Variants in FAM120A observed in about 807,000 individuals in gnomAD.
FAM120A encodes family with sequence similarity 120 member A, also known as constitutive coactivator of PPAR-gamma-like protein 1.
FAM120A carries 15 observed loss-of-function variants against 109.7 expected under a neutral mutation model. The ratio of observed to expected loss-of-function variants is 0.14; its 90% CI spans 0.09 to 0.21. The LOEUF is 0.21. FAM120A is among the 10% of genes least tolerant of loss of function. The probability of loss-of-function intolerance (pLI) is 1.00; values close to 1 mark genes in which losing one functional copy is unlikely to be tolerated. For missense variants in FAM120A, 899 were observed against 1,439.3 expected (o/e 0.62, Z 6.07); for synonymous variants, 493 against 572.8 (o/e 0.86, Z 1.99).
intron 5 of FAM120A, among the ~76,000 whole-genome samples, chr9:93,508,307 A>C (rs1421935172): frequency 6.6e-6 from 1 of 152,226 alleles, no homozygotes; most frequent in African/African-American, 2.4e-5. Context: ...TCCTGGTCAC[A>C]GCAACACAGT....
chr9:93,452,478 G>C lies in FAM120A; in HGVS notation c.474+89G>C, dbSNP rs1186466144. On this transcript the variant is annotated intron_variant, in intron 1 of 17. Transcript: ENST00000277165. This position sits in a 1 kb window ranked among gnomAD's most constrained non-coding sequence, Gnocchi z 7.0. Reference sequence around the variant, plus strand: ...AGGGCGCAGAATGTCGCCCGGCCGTGGCGGCGCTGGGGGCAGCGAGTTCCC... The same window carrying C: ...AGGGCGCAGAATGTCGCCCGGCCGTCGCGGCGCTGGGGGCAGCGAGTTCCC... 6.5e-7 allele frequency: 1 copy of C among 1,544,056 alleles called. No individual in the cohort carries two copies. Among genetic ancestry groups the C allele is most frequent in the Non-Finnish European group, 8.7e-7 (1 of 1,148,926 alleles).
intron 1 of FAM120A, chr9:93,453,134 A>G (rs542314195): frequency 7.0e-6 from 7 of 1,004,310 alleles, no homozygotes; most frequent in Non-Finnish European, 7.1e-6. Context: ...TGTAGATCCC[A>G]TGCGAAAGGA....
chr9:93,504,238 G>A (rs1859934787), intron 5 of FAM120A, among the ~76,000 whole-genome samples: 1 of 152,146 alleles, frequency 6.6e-6, no homozygotes, highest in Admixed American at 6.5e-5. Context: ...ACAGAAAGCG[G>A]GGAGAGTGGT....
At position 93,452,158 on chromosome 9, in the gene FAM120A, G is replaced by C; in HGVS notation, c.243G>C (p.Leu81=). The change falls in exon 1 of 18, where the codon CTG becomes CTC. Residue 81 remains leucine (L), a synonymous_variant. Transcript: ENST00000277165. This position sits in a 1 kb window ranked among gnomAD's most constrained non-coding sequence, Gnocchi z 7.0. ...ACATGCTTGGCTACCTGGCGGCGCT[G>C]GCCAAGGCCTGCTTCGGCGGCAACA... ...WNHMLGYLAA[L]AKACFGGNIE... 6.2e-7 allele frequency: 1 copy of C among 1,611,986 alleles called. No individual in the cohort carries two copies. Among genetic ancestry groups the C allele is most frequent in the Non-Finnish European group, 8.5e-7 (1 of 1,179,788 alleles).
At chr9:93,473,452 C>T (rs944048877) in intron 2 of FAM120A, among the ~76,000 whole-genome samples, 1 of 151,986 alleles carries the variant, frequency 6.6e-6, no homozygotes. Context: ...ACTACAGGTG[C>T]ATGCCACCAC....
chr9:93,478,991 T>C (rs867171745), intron 3 of FAM120A, among the ~76,000 whole-genome samples: 43 of 152,342 alleles, frequency 2.8e-4, no homozygotes, highest in African/African-American at 1.0e-3. Context: ...GGATAGTTGT[T>C]ACATATCTTC....
chr9:93,458,268 G>A (rs759168123), intron 1 of FAM120A, among the ~76,000 whole-genome samples: 5 of 151,918 alleles, frequency 3.3e-5, no homozygotes, highest in African/African-American at 4.8e-5. Context: ...TAACACTTCT[G>A]AACGCTGTGT....
In FAM120A at chr9:93,452,498, G is replaced by A; in HGVS notation, c.474+109G>A. On this transcript the variant is annotated intron_variant, in intron 1 of 17. Transcript: ENST00000277165. This position sits in a 1 kb window ranked among gnomAD's most constrained non-coding sequence, Gnocchi z 7.0. The stretch of plus-strand genomic sequence containing the variant: ...GCCGTGGCGGCGCTGGGGGCAGCGA[G>A]TTCCCCCAGCCCTTGCCCGGGATAG... The A allele has an allele frequency of 6.5e-7, 1 of 1,546,044 alleles. No individual in the cohort carries two copies. Among genetic ancestry groups the A allele is most frequent in the Non-Finnish European group, 8.7e-7 (1 of 1,150,706 alleles).
chr9:93,501,429 A>G (rs1588848394), intron 5 of FAM120A, among the ~76,000 whole-genome samples: 1 of 152,094 alleles, frequency 6.6e-6, no homozygotes, highest in South Asian at 2.1e-4. Flanking sequence ...TTAGAGGTGA[A>G]GTTTACTCAG....
In FAM120A at chr9:93,486,251, G is replaced by A. The variant is rs183013304; in HGVS notation, c.804+9913G>A. Among the ~76,000 whole-genome samples, 177 of 152,064 alleles carry A rather than the reference G, an allele frequency of 1.2e-3. 1 individual carries two copies. Among genetic ancestry groups the A allele is most frequent in the Non-Finnish European group, 6.5e-4 (44 of 67,972 alleles). The stretch of plus-strand genomic sequence containing the variant: ...GGCCTCCCATAGTCCTGGGATTACA[G>A]GCATGAGCCCCACACCCAGCCTACT... On this transcript the variant is annotated intron_variant, in intron 3 of 17. Transcript: ENST00000277165.
intron 7 of FAM120A, among the ~76,000 whole-genome samples, chr9:93,518,100 A>G (rs1860676657): frequency 6.6e-6 from 1 of 152,170 alleles, no homozygotes; most frequent in African/African-American, 2.4e-5. Context: ...ATGAAGTGCC[A>G]TGAGGAATGC....
At chr9:93,494,228 G>A (rs10118574) in intron 3 of FAM120A, among the ~76,000 whole-genome samples, 3,463 of 152,246 alleles carry the variant, frequency 0.023, 131 homozygotes, top group African/African-American at 0.078. Flanking sequence ...TGTGCTGTGC[G>A]TTCTTTACTC....
At chr9:93,525,563 G>A (rs1400905747) in intron 7 of FAM120A, among the ~76,000 whole-genome samples, 1 of 152,196 alleles carries the variant, frequency 6.6e-6, no homozygotes, top group African/African-American at 2.4e-5. Flanking sequence ...TGCCAATGTT[G>A]CCATGTACTT....
chr9:93,497,417 G>GCAA (rs1859619220), intron 3 of FAM120A, 54 bp from the exon 4 acceptor site: 1 of 1,601,584 alleles, frequency 6.2e-7, no homozygotes, highest in Admixed American at 1.7e-5. Flanking sequence ...ATTCAGATTA[G>GCAA]CCTGGTACTG....
At chr9:93,554,120 T>TAC (rs10672125) in intron 12 of FAM120A, among the ~76,000 whole-genome samples, 7,684 of 87,116 alleles carry the variant, frequency 0.088, 603 homozygotes, top group Middle Eastern at 0.12. Context: ...GGCCATTTGA[T>TAC]ACACACACAC....
chr9:93,560,242 C>T (rs1419579629), intron 15 of FAM120A, among the ~76,000 whole-genome samples: 1 of 151,904 alleles, frequency 6.6e-6, no homozygotes, highest in East Asian at 1.9e-4. Context: ...TGCAGTGAGC[C>T]GTGATTGTGC....
chr9:93,456,926 T>G (rs1459618738), intron 1 of FAM120A, among the ~76,000 whole-genome samples: 3 of 152,216 alleles, frequency 2.0e-5, no homozygotes, highest in Non-Finnish European at 4.4e-5. Context: ...ACTGGAAGAT[T>G]TTTAAGGTTC....
chr9:93,492,544 T>C (rs1859374560), intron 3 of FAM120A, among the ~76,000 whole-genome samples: 1 of 152,158 alleles, frequency 6.6e-6, no homozygotes, highest in African/African-American at 2.4e-5. Flanking sequence ...CACCAGGTCC[T>C]GACCCTAAGG....
At chr9:93,561,525 G>C (rs1862466449) in intron 16 of FAM120A, among the ~76,000 whole-genome samples, 1 of 152,124 alleles carries the variant, frequency 6.6e-6, no homozygotes, top group African/African-American at 2.4e-5. Flanking sequence ...CTCCTGAGTA[G>C]CTGGGACCAC....
Sources: gnomAD v4.1 joint callset for allele counts (sites outside exome capture counted in the v4.1 genomes callset) on GRCh38, gnomAD v4.1.1 for gene constraint, Gnocchi (gnomAD v3.1) non-coding constraint, MANE v1.5 for transcripts, NCBI Gene and HGNC (gene_info 2026-07-23, HGNC 2026-07-21) for gene names.